SREBF1: variants seen among roughly 807,000 people sequenced by gnomAD.
SREBF1 encodes the protein sterol regulatory element-binding protein 1.
In SREBF1, 45 loss-of-function variants were observed where a neutral mutation model predicts 100.1. That is an observed-to-expected ratio of 0.45 (90% CI 0.35 to 0.58). The LOEUF (loss-of-function observed/expected upper bound fraction) is 0.58, where lower values mean the gene tolerates loss of function less well. SREBF1 is among the 20% of genes least tolerant of loss of function. SREBF1 has a pLI of 0.00. For synonymous variants in SREBF1, 657 were observed against 681.8 expected, an observed-to-expected ratio of 0.96 and a Z score of 0.57; for missense variants, 1,324 against 1,539.4, an observed-to-expected ratio of 0.86 and a Z score of 2.34.
intron 12 of SREBF1, 100 bp downstream of exon 12, chr17:17,815,760 C>T (rs192401445): frequency 1.5e-6 from 2 of 1,298,352 alleles, no homozygotes; most frequent in Non-Finnish European, 2.2e-6. Flanking sequence ...GGGAGAAGGA[C>T]TGGGGTGGCC....
intron 1 of SREBF1, among the ~76,000 whole-genome samples, chr17:17,834,025 C>CAGAGAGAGAGAGAGAGAGAGAGAG (rs113396102): frequency 2.8e-4 from 41 of 147,606 alleles, no homozygotes; most frequent in African/African-American, 9.9e-4. Flanking sequence ...CATATAAACA[C>CAGAGAGAGAGAGAGAGAGAGAGAG]ACAGAGAGAG....
chr17:17,836,255 G>C (rs1442640383), intron 1 of SREBF1, among the ~76,000 whole-genome samples: 1 of 152,268 alleles, frequency 6.6e-6, no homozygotes, highest in African/African-American at 2.4e-5. Context: ...GGAAGGGCGC[G>C]AGGCAGCGCC....
In SREBF1 at chr17:17,819,371, T is replaced by G; in HGVS notation, c.795A>C (p.Ala265=). 4 of 1,613,838 alleles carry G rather than the reference T, an allele frequency of 2.5e-6. No homozygotes were observed. Among genetic ancestry groups the G allele is most frequent in the Non-Finnish European group, 3.4e-6 (4 of 1,180,042 alleles). The change falls in exon 4 of 19, where the codon GCA becomes GCC. Residue 265 remains alanine, a synonymous_variant. Coordinates refer to ENST00000261646, the MANE Select transcript of SREBF1 (RefSeq NM_004176.5). ...MKTDGATVKA[A]GLSPLVSGTT... is the part of the protein sequence containing the mutation. ...TGCCAGAGACCAGGGGACTGAGACC[T>G]GCCGCCTTCACAGTGGCTCCGTCTG...
intron 1 of SREBF1, chr17:17,823,531 A>T (rs746029158): frequency 5.6e-6 from 9 of 1,613,058 alleles, no homozygotes; most frequent in South Asian, 1.1e-5. Context: ...CGAAAGTGCA[A>T]TCCATGGCTC....
chr17:17,817,984 C>T lies in SREBF1; in HGVS notation c.1184-68G>A. 1 of 1,500,870 alleles carries T rather than the reference C, an allele frequency of 6.7e-7. No individual in the cohort carries two copies. The highest frequency in any genetic ancestry group is 2.3e-5 in the East Asian group (1 of 44,370). The allele number at this position is 1,500,870 out of a possible 1,614,324, so 93.0% of individuals were successfully genotyped here. On this transcript the variant is annotated intron_variant, in intron 6 of 18. Coordinates refer to ENST00000261646, the MANE Select transcript of SREBF1 (RefSeq NM_004176.5). This position sits in a 1 kb window ranked among gnomAD's most constrained non-coding sequence, Gnocchi z 6.6. ...TGTGACCCCAAATCAGAGCCTAGGC[C>T]CTTGGAGGCCTAGGGACTACTGTAG...
At position 17,817,500 on chromosome 17, in the gene SREBF1, C is replaced by A; in HGVS notation, c.1405-43G>T. On this transcript the variant is annotated intron_variant, in intron 7 of 18. Transcript: ENST00000261646. This position sits in a 1 kb window ranked among gnomAD's most constrained non-coding sequence, Gnocchi z 6.6. ...GGTGGTGAGGGCAGAATCGGAGGGA[C>A]CCCAGAGAGCATGGGGCTGGGAAGG... is the stretch of plus-strand genomic sequence containing the variant. The A allele has an allele frequency of 2.6e-6, 4 of 1,556,596 alleles. No homozygotes were observed. Among genetic ancestry groups the A allele is most frequent in the Non-Finnish European group, 3.5e-6 (4 of 1,149,338 alleles).
In SREBF1 at chr17:17,816,546, T is replaced by G. The variant is rs1324124666; in HGVS notation, c.1958A>C (p.Gln653Pro). The G allele has an allele frequency of 1.9e-6, 3 of 1,603,046 alleles. No homozygotes were observed. The highest frequency in any genetic ancestry group is 2.6e-6 in the Non-Finnish European group (3 of 1,175,994). Residue 653 changes from glutamine (Q) to proline (P), a missense_variant, in exon 10 of 19, where the codon CAG becomes CCG. Gln to Pro is a moderately conservative substitution (Grantham distance 76). Transcript: ENST00000261646. ...RWLAGRAGGL[Q>P]QDCALRVDAS... is the part of the protein sequence containing the mutation. ...ATCCACTCGCAGAGCACAGTCCTGC[T>G]GCAGGCCCCCTGCCCGGCCTGCCAG...
In SREBF1 at chr17:17,816,642, A is replaced by G. The variant is rs1350218379; in HGVS notation, c.1862T>C (p.Leu621Pro). The stretch of plus-strand genomic sequence containing the variant: ...CCAGAGGAGGCTACAAGCCAGGTCC[A>G]GGTGGGAGGTGGGCAGGGGCCGGCC... The part of the protein sequence containing the change: ...ALGRPLPTSH[L>P]DLACSLLWNL... The change falls in exon 10 of 19, where the codon CTG becomes CCG. Residue 621 changes from leucine to proline, a missense_variant. Leu to Pro is a moderately conservative substitution (Grantham distance 98). Transcript: ENST00000261646. The G allele has an allele frequency of 1.3e-6, 2 of 1,595,024 alleles. No homozygotes were observed. Among genetic ancestry groups the G allele is most frequent in the South Asian group, 1.1e-5 (1 of 88,646 alleles).
intron 1 of SREBF1, among the ~76,000 whole-genome samples, chr17:17,826,563 G>T (rs1473075010): frequency 6.6e-6 from 1 of 152,148 alleles, no homozygotes; most frequent in Non-Finnish European, 1.5e-5. Context: ...GGCCATGGTG[G>T]CCCCAACTGC....
chr17:17,818,051 G>A, intron 6 of SREBF1, 135 bp from the exon 7 acceptor site: 1 of 1,004,550 alleles, frequency 1.0e-6, no homozygotes, highest in Non-Finnish European at 1.5e-6. Context: ...GGCTGGGTTA[G>A]GGCCAAAGGG....
At chr17:17,834,971 G>T (rs775915950) in intron 1 of SREBF1, among the ~76,000 whole-genome samples, 1 of 152,102 alleles carries the variant, frequency 6.6e-6, no homozygotes, top group Non-Finnish European at 1.5e-5. Flanking sequence ...CCAAAATTGC[G>T]CCACTGCAGA....
chr17:17,816,194 C>A lies in SREBF1; in HGVS notation c.2214+13G>T. ...GCTGCAGGGATAAGCCCCCAGCCCCCCAACCCACTCACTGTCAGAAAATGC... is the reference window on the plus strand; with the variant it reads ...GCTGCAGGGATAAGCCCCCAGCCCCACAACCCACTCACTGTCAGAAAATGC... On this transcript the variant is annotated intron_variant, in intron 11 of 18. Coordinates refer to ENST00000261646, the MANE Select transcript of SREBF1 (RefSeq NM_004176.5). 2 of 1,474,026 alleles carry A rather than the reference C, an allele frequency of 1.4e-6. No homozygotes were observed. The highest frequency in any genetic ancestry group is 1.4e-5 in the African/African-American group (1 of 71,054). 91.3% of individuals were successfully genotyped at this position (1,474,026 alleles called of 1,614,324 possible). A position where few individuals can be genotyped will look rare whatever the true frequency, so the allele number is the denominator to read the frequency against.
chr17:17,819,624 C>G lies in SREBF1; in HGVS notation c.625G>C (p.Val209Leu). 1 of 1,613,338 alleles carries G rather than the reference C, an allele frequency of 6.2e-7. No individual in the cohort carries two copies. Among genetic ancestry groups the G allele is most frequent in the Non-Finnish European group, 8.5e-7 (1 of 1,179,676 alleles). ...VSLHTQVQSVVPQQLLTVTAA... is the reference protein window; with the variant it reads ...VSLHTQVQSVLPQQLLTVTAA... ...GTGACTGTCAGTAGCTGCTGGGGGACCACACTCTGGACCTGGGTGTGCAAG... is the reference window on the plus strand; with the variant it reads ...GTGACTGTCAGTAGCTGCTGGGGGAGCACACTCTGGACCTGGGTGTGCAAG... The change falls in exon 3 of 19, where the codon GTC becomes CTC. Residue 209 changes from valine to leucine, a missense_variant. Physicochemically the swap from Val to Leu is conservative, Grantham distance 32. Coordinates refer to ENST00000261646, the MANE Select transcript of SREBF1 (RefSeq NM_004176.5).
At chr17:17,832,613 G>A (rs987839637) in intron 1 of SREBF1, among the ~76,000 whole-genome samples, 2 of 152,228 alleles carry the variant, frequency 1.3e-5, no homozygotes, top group South Asian at 2.1e-4. Flanking sequence ...AACACAGTGA[G>A]GATCCGGGCA....
In SREBF1 at chr17:17,814,656, G is replaced by A. The variant is rs746518916; in HGVS notation, c.2694C>T (p.Cys898=). The change falls in exon 15 of 19, where the codon TGC becomes TGT. Residue 898 remains cysteine (C), a synonymous_variant. Transcript: ENST00000261646. ...RRDEEAAERL[C]PLVEHLPRVL... The stretch of plus-strand genomic sequence containing the variant: ...CCCGGGGCAGGTGCTCCACCAGCGG[G>A]CACAGCCGCTCAGCCGCCTCCTCAT... 1 of 1,559,634 alleles carries A rather than the reference G, an allele frequency of 6.4e-7. No homozygotes were observed. The highest frequency in any genetic ancestry group is 8.6e-7 in the Non-Finnish European group (1 of 1,157,146).
intron 1 of SREBF1, among the ~76,000 whole-genome samples, chr17:17,829,545 G>A (rs1272168542): frequency 1.3e-5 from 2 of 152,258 alleles, no homozygotes; most frequent in East Asian, 1.9e-4. Context: ...ACATTTCCAA[G>A]GCTGCCTTGA....
chr17:17,817,380 G>C lies in SREBF1; in HGVS notation c.1482C>G (p.Val494=), dbSNP rs2033701757. ...AGGGGTTGCAGGACAGGCAGAGGAA[G>C]ACGAGCGTGCACAGGGCCAGGCGGG... ...DRSRLALCTL[V]FLCLSCNPLA... is the part of the protein sequence containing the mutation. The change falls in exon 8 of 19, where the codon GTC becomes GTG. Residue 494 remains valine, a synonymous_variant. Transcript: ENST00000261646. The surrounding 1 kb of genome is among the most constrained non-coding windows in gnomAD (Gnocchi z 6.6). 1 of 1,607,258 alleles carries C rather than the reference G, an allele frequency of 6.2e-7. No individual in the cohort carries two copies. The highest frequency in any genetic ancestry group is 8.5e-7 in the Non-Finnish European group (1 of 1,177,686).
chr17:17,816,599 CA>C lies in SREBF1; in HGVS notation c.1904del (p.Leu635ArgfsTer63). On this transcript the variant is annotated frameshift_variant, in exon 10 of 19. Transcript: ENST00000261646. LOFTEE classifies it high-confidence loss of function. ...AGCGGCCCACCCAGAGACGCTGCAG[CA>C]GGTGACGGATGAGGTTCCAGAGGAG... ...CSLLWNLIRH[L>X]LQRLWVGRWL... The C allele has an allele frequency of 6.2e-7, 1 of 1,605,980 alleles. No homozygotes were observed. The highest frequency in any genetic ancestry group is 8.5e-7 in the Non-Finnish European group (1 of 1,177,146).
chr17:17,824,899 C>A lies in SREBF1; in HGVS notation c.92-4378G>T, dbSNP rs1211590311. 6.6e-6 allele frequency among the ~76,000 whole-genome samples: 1 copy of A among 152,186 alleles called. No homozygotes were observed. The highest frequency in any genetic ancestry group is 1.5e-5 in the Non-Finnish European group (1 of 68,018). ...CCGTCCAGCCCAGGCCCTTATTTCC[C>A]AGCTTTGGGAGGTTCAAGGACAACA... On this transcript the variant is annotated intron_variant, in intron 1 of 18. Transcript: ENST00000261646. This position sits in a 1 kb window ranked among gnomAD's most constrained non-coding sequence, Gnocchi z 4.2.
Sources: allele counts gnomAD v4.1 joint callset (sites outside exome capture counted in the v4.1 genomes callset), GRCh38; gene constraint gnomAD v4.1.1; non-coding constraint Gnocchi (gnomAD v3.1); transcripts MANE v1.5; gene names NCBI Gene and HGNC (gene_info 2026-07-23, HGNC 2026-07-21).